SHANK2: variants seen among roughly 807,000 people sequenced by gnomAD.
The protein encoded by SHANK2 is SH3 and multiple ankyrin repeat domains 2.
A neutral mutation model predicts 133.7 loss-of-function variants in SHANK2; 43 were observed. The ratio of observed to expected loss-of-function variants is 0.32; its 90% confidence interval spans 0.25 to 0.41. The LOEUF is 0.41. Ranked by LOEUF, SHANK2 falls within the 10% of genes least tolerant of loss-of-function variation. The pLI is 1.00. For synonymous variants in SHANK2, 1,017 were observed against 952.8 expected (o/e 1.07, Z -1.24); for missense variants, 1,994 against 2,235.8 (o/e 0.89, Z 2.18).
At chr11:70,691,826 A>G (rs1409898928) in intron 15 of SHANK2, among the ~76,000 whole-genome samples, 1 of 152,192 alleles carries the variant, frequency 6.6e-6, no homozygotes. Flanking sequence ...CCAGGGAGGC[A>G]GAGGTCACAG....
chr11:70,885,149 G>A (rs1211413677), intron 11 of SHANK2, among the ~76,000 whole-genome samples: 2 of 152,036 alleles, frequency 1.3e-5, no homozygotes, highest in African/African-American at 4.8e-5. Context: ...TTGGGAACCA[G>A]GGAACAAAGT....
At chr11:70,863,861 C>A in intron 11 of SHANK2, 1 of 457,710 alleles carries the variant, frequency 2.2e-6, no homozygotes, top group Non-Finnish European at 4.4e-6. Flanking sequence ...CAGCCACCTG[C>A]AAGCCAGGAG....
In SHANK2 at chr11:70,739,766, A is replaced by G. The variant is rs538402869; in HGVS notation, c.1778-41003T>C. ...GTCTTTAAAGAGGTGATTAAGTTAA[A>G]ACGAGGTACTGTGATGGGCCCTCAT... is the stretch of plus-strand genomic sequence containing the variant. On this transcript the variant is annotated intron_variant, in intron 14 of 25. Coordinates refer to ENST00000601538, the MANE Select transcript of SHANK2 (RefSeq NM_012309.5). The surrounding 1 kb of genome is among the most constrained non-coding windows in gnomAD (Gnocchi z 4.3). Among the ~76,000 whole-genome samples, 1 of 152,312 alleles carries G rather than the reference A, an allele frequency of 6.6e-6. No individual in the cohort carries two copies. The highest frequency in any genetic ancestry group is 2.4e-5 in the African/African-American group (1 of 41,562).
intron 15 of SHANK2, among the ~76,000 whole-genome samples, chr11:70,693,912 G>T (rs1014827027): frequency 6.6e-6 from 1 of 152,188 alleles, no homozygotes; most frequent in African/African-American, 2.4e-5. Flanking sequence ...GTGGACAGGT[G>T]ACTGGGTGGA....
chr11:70,841,015 C>A (rs1177144526), intron 11 of SHANK2, among the ~76,000 whole-genome samples: 1 of 152,116 alleles, frequency 6.6e-6, no homozygotes, highest in Non-Finnish European at 1.5e-5. Context: ...GTAATCCCAG[C>A]ATTTTGGGAG....
At chr11:70,735,176 G>T (rs1555033210) in intron 14 of SHANK2, among the ~76,000 whole-genome samples, 1 of 152,220 alleles carries the variant, frequency 6.6e-6, no homozygotes, top group African/African-American at 2.4e-5. Flanking sequence ...GTGTTCAAGG[G>T]ACTATCTTCC....
intron 14 of SHANK2, among the ~76,000 whole-genome samples, chr11:70,750,046 C>A (rs1255556796): frequency 6.6e-6 from 1 of 152,186 alleles, no homozygotes; most frequent in Admixed American, 6.5e-5. Context: ...CACTCTGTTT[C>A]CCTAGTTAAC....
chr11:71,218,847 T>C (rs1530235), intron 2 of SHANK2, among the ~76,000 whole-genome samples: 17,659 of 152,190 alleles, frequency 0.12, 2,290 homozygotes, highest in African/African-American at 0.32. Context: ...CAACCCAGCC[T>C]CGTTCTTCCA....
chr11:70,894,932 A>G (rs535166510), intron 11 of SHANK2, among the ~76,000 whole-genome samples: 19 of 152,334 alleles, frequency 1.2e-4, no homozygotes, highest in African/African-American at 4.3e-4. Context: ...CATATTAGGG[A>G]GGCAGCAGGA....
intron 17 of SHANK2, among the ~76,000 whole-genome samples, chr11:70,536,296 T>G (rs2059543297): frequency 1.3e-5 from 2 of 152,170 alleles, no homozygotes; most frequent in African/African-American, 4.8e-5. Flanking sequence ...CGCTTGTTGT[T>G]TGTTAAAGTT....
intron 17 of SHANK2, among the ~76,000 whole-genome samples, chr11:70,568,175 C>T (rs782011794): frequency 2.6e-4 from 40 of 152,332 alleles, no homozygotes; most frequent in South Asian, 2.1e-4. Flanking sequence ...GAAAGCAGGC[C>T]CGCAGGCAGC....
chr11:71,143,248 A>G (rs1270804704), intron 3 of SHANK2, among the ~76,000 whole-genome samples: 10 of 152,086 alleles, frequency 6.6e-5, no homozygotes, highest in Admixed American at 2.0e-4. Flanking sequence ...AAACAAACAA[A>G]CAAACAAACA....
chr11:71,095,203 A>C (rs1555095117), intron 6 of SHANK2, among the ~76,000 whole-genome samples: 1 of 152,248 alleles, frequency 6.6e-6, no homozygotes, highest in African/African-American at 2.4e-5. Context: ...CAATCTGGGT[A>C]AGTGGAAACC....
At chr11:71,149,634 C>T (rs1952724968) in intron 2 of SHANK2, among the ~76,000 whole-genome samples, 1 of 150,908 alleles carries the variant, frequency 6.6e-6, no homozygotes, top group Non-Finnish European at 1.5e-5. Context: ...AGAAATTTCT[C>T]CTCTGCAGGG....
intron 10 of SHANK2, among the ~76,000 whole-genome samples, chr11:70,931,335 G>A (rs144726674): frequency 1.3e-5 from 2 of 152,308 alleles, no homozygotes; most frequent in South Asian, 2.1e-4. Context: ...GACTATACAC[G>A]TTAGACGGGT....
chr11:70,862,005 A>G (rs1445409826), intron 11 of SHANK2, among the ~76,000 whole-genome samples: 1 of 151,242 alleles, frequency 6.6e-6, no homozygotes, highest in Non-Finnish European at 1.5e-5. Context: ...AAAAAAAGTG[A>G]AAACCTGGGA....
chr11:70,730,054 T>C (rs1018590829), intron 14 of SHANK2, among the ~76,000 whole-genome samples: 2 of 152,106 alleles, frequency 1.3e-5, no homozygotes, highest in East Asian at 3.9e-4. Flanking sequence ...ATTGCAGATG[T>C]GTCGGGCCTG....
intron 10 of SHANK2, among the ~76,000 whole-genome samples, chr11:70,919,483 A>C (rs955858587): frequency 6.6e-6 from 1 of 151,888 alleles, no homozygotes; most frequent in Non-Finnish European, 1.5e-5. Context: ...CCAGGTTCTA[A>C]GCAATTCTCC....
chr11:70,750,412 T>C (rs1213315162), intron 14 of SHANK2, among the ~76,000 whole-genome samples: 1 of 152,234 alleles, frequency 6.6e-6, no homozygotes, highest in Non-Finnish European at 1.5e-5. Flanking sequence ...TCCTTCTTTC[T>C]GGCCAGAGGA....
Sources: allele counts gnomAD v4.1 joint callset (sites outside exome capture counted in the v4.1 genomes callset), GRCh38; gene constraint gnomAD v4.1.1; non-coding constraint Gnocchi (gnomAD v3.1); transcripts MANE v1.5; gene names NCBI Gene and HGNC (gene_info 2026-07-23, HGNC 2026-07-21).